The following CUX1 variants were observed in gnomAD, a reference collection of about 807,000 sequenced individuals.
CUX1 encodes the protein cut like homeobox 1, also known as protein CASP.
A neutral mutation model predicts 158.8 loss-of-function variants in CUX1; 31 were observed. The ratio of observed to expected loss-of-function variants is 0.20; its 90% CI spans 0.15 to 0.26. The LOEUF (loss-of-function observed/expected upper bound fraction) is 0.26, where lower values mean the gene tolerates loss of function less well. Among genes scored for constraint, CUX1 ranks in the 10% least tolerant of loss-of-function variants. CUX1 has a pLI of 1.00. For synonymous variants in CUX1, 879 were observed against 862.1 expected, an observed-to-expected ratio of 1.02 and a Z score of -0.34; for missense variants, 1,589 against 2,014.6, an observed-to-expected ratio of 0.79 and a Z score of 4.04.
At position 102,256,288 on chromosome 7, in the gene CUX1, G is replaced by A; in HGVS notation, c.*7246G>A. The stretch of plus-strand genomic sequence containing the variant: ...TACTGACCTGCCGGCGTGCGTGAGG[G>A]TGATTATAAAAGGATGTTTCCTTGA... On this transcript the variant is annotated 3_prime_UTR_variant, in exon 24 of 24. Coordinates refer to ENST00000292535, the MANE Select transcript of CUX1 (RefSeq NM_181552.4). 1 of 985,292 alleles carries A rather than the reference G, an allele frequency of 1.0e-6. No individual in the cohort carries two copies. Among genetic ancestry groups the A allele is most frequent in the Non-Finnish European group, 1.2e-6 (1 of 829,908 alleles). 61.0% of individuals were successfully genotyped at this position (985,292 alleles called of 1,614,324 possible). A position where few individuals can be genotyped will look rare whatever the true frequency, so the allele number is the denominator to read the frequency against.
rs114315617 is a variant in CUX1 at position 101,911,687 on chromosome 7, G to A, written c.31-4428G>A. 5.7e-3 allele frequency among the ~76,000 whole-genome samples: 869 copies of A among 152,384 alleles called. 11 individuals are homozygous for A. Among genetic ancestry groups the A allele is most frequent in the African/African-American group, 0.02 (832 of 41,596 alleles). ...TGACCTCTGAAGCTCTTCTGTGCAA[G>A]GGTGGGGCTCCTGTTGGTGACACCC... On this transcript the variant is annotated intron_variant, in intron 1 of 23. Coordinates refer to ENST00000292535, the MANE Select transcript of CUX1 (RefSeq NM_181552.4).
At chr7:102,086,672 C>T (rs1198477525) in intron 4 of CUX1, among the ~76,000 whole-genome samples, 2 of 151,612 alleles carry the variant, frequency 1.3e-5, no homozygotes, top group Non-Finnish European at 2.9e-5. Context: ...TGCAGTGACA[C>T]GACTTTGGCT....
intron 1 of CUX1, among the ~76,000 whole-genome samples, chr7:101,867,002 C>G (rs1797999006): frequency 6.6e-6 from 1 of 152,238 alleles, no homozygotes; most frequent in African/African-American, 2.4e-5. Context: ...GGGTGGATCA[C>G]TTGAGGTCAG....
intron 8 of CUX1, among the ~76,000 whole-genome samples, chr7:102,143,640 A>AT (rs1159442619): frequency 5.3e-5 from 8 of 152,172 alleles, no homozygotes; most frequent in African/African-American, 1.9e-4. Context: ...CATTCTTCTT[A>AT]TAGAGATGTG....
intron 17 of CUX1, among the ~76,000 whole-genome samples, chr7:102,200,663 A>G (rs1563395632): frequency 6.6e-6 from 1 of 152,022 alleles, no homozygotes; most frequent in Admixed American, 6.6e-5. Flanking sequence ...TATTCACAGA[A>G]ATTACGCTCC....
rs1173455229 is a variant in CUX1 at position 102,157,159 on chromosome 7, G to T, written c.675-1401G>T. On this transcript the variant is annotated intron_variant, in intron 8 of 23. Coordinates refer to ENST00000292535, the MANE Select transcript of CUX1 (RefSeq NM_181552.4). ...AGAGTGGCGGGTAAGGCCAAGAGGA[G>T]GAAGGAGCCTTGGCATGGAAGGGCC... 2.6e-5 allele frequency among the ~76,000 whole-genome samples: 4 copies of T among 152,144 alleles called. No individual in the cohort carries two copies. In the South Asian group the frequency reaches 8.3e-4, roughly 32 times the overall value.
intron 10 of CUX1, among the ~76,000 whole-genome samples, chr7:102,170,802 ACGCAGGCACAGT>A (rs1331616861): frequency 6.6e-5 from 10 of 151,148 alleles, no homozygotes; most frequent in Non-Finnish European, 1.3e-4. Flanking sequence ...GGTGGAGGCT[ACGCAGGCACAGT>A]CACAGACACA....
At chr7:102,174,123 T>C (rs1432689938) in intron 10 of CUX1, among the ~76,000 whole-genome samples, 3 of 152,066 alleles carry the variant, frequency 2.0e-5, no homozygotes, top group African/African-American at 7.2e-5. Flanking sequence ...TTTGTTTGTT[T>C]GTTTGTTTTT....
chr7:101,999,166 C>G (rs902276149), intron 2 of CUX1, among the ~76,000 whole-genome samples: 15 of 149,290 alleles, frequency 1.0e-4, no homozygotes, highest in African/African-American at 3.7e-4. Context: ...CAGCAGCTGT[C>G]GCCTCCACTC....
At chr7:101,930,311 C>G (rs1806146219) in intron 2 of CUX1, among the ~76,000 whole-genome samples, 1 of 152,096 alleles carries the variant, frequency 6.6e-6, no homozygotes, top group African/African-American at 2.4e-5. Context: ...ATCGTTATAG[C>G]CTAAAATTTG....
intron 16 of CUX1, chr7:102,274,389 C>T: frequency 7.9e-7 from 1 of 1,268,486 alleles, no homozygotes; most frequent in South Asian, 1.2e-5. Context: ...AACACAGATC[C>T]CCAAAGAGTA....
At chr7:102,207,455 A>AT (rs535860482) in intron 20 of CUX1, among the ~76,000 whole-genome samples, 143 of 146,884 alleles carry the variant, frequency 9.7e-4, no homozygotes, top group Middle Eastern at 3.5e-3. Context: ...AGGAAAAAAT[A>AT]TTTTTTTTTT....
Position 102,251,515 on chromosome 7 carries a change from G to C in CUX1, c.*2473G>C. ...AAGGCTCTAGGGGGCTGGGAGGCAG[G>C]CTGTTCGTTTGTCTTTTGTTGGGGG... is the stretch of plus-strand genomic sequence containing the variant. On this transcript the variant is annotated 3_prime_UTR_variant, in exon 24 of 24. Coordinates refer to ENST00000292535, the MANE Select transcript of CUX1 (RefSeq NM_181552.4). 1.0e-6 allele frequency: 1 copy of C among 985,440 alleles called. No homozygotes were observed. Among genetic ancestry groups the C allele is most frequent in the Non-Finnish European group, 1.2e-6 (1 of 829,932 alleles). The allele number at this position is 985,440 out of a possible 1,614,324, so 61.0% of individuals were successfully genotyped here. A position where few individuals can be genotyped will look rare whatever the true frequency, so the allele number is the denominator to read the frequency against.
At position 102,248,718 on chromosome 7, in the gene CUX1, C is replaced by T; in HGVS notation, c.4194C>T (p.Gly1398=). The T allele has an allele frequency of 1.7e-6, 2 of 1,172,280 alleles. No individual in the cohort carries two copies. The highest frequency in any genetic ancestry group is 2.1e-6 in the Non-Finnish European group (2 of 947,246). The allele number at this position is 1,172,280 out of a possible 1,614,324, so 72.6% of individuals were successfully genotyped here. The change falls in exon 24 of 24, where the codon GGC becomes GGT. Residue 1398 remains glycine, a synonymous_variant. Coordinates refer to ENST00000292535, the MANE Select transcript of CUX1 (RefSeq NM_181552.4). The surrounding 1 kb of genome is among the most constrained non-coding windows in gnomAD (Gnocchi z 5.8). ...ACCACGAGGGAGGCCCCGTGGAAGGCCCGGGGCCCCTGCCCAGCCCCGCCT... is the reference window on the plus strand; with the variant it reads ...ACCACGAGGGAGGCCCCGTGGAAGGTCCGGGGCCCCTGCCCAGCCCCGCCT... The part of the protein sequence containing the change: ...DDDHEGGPVE[G]PGPLPSPASA...
chr7:102,106,420 CAAT>C (rs1217942261), intron 6 of CUX1, among the ~76,000 whole-genome samples: 8 of 152,206 alleles, frequency 5.3e-5, no homozygotes, highest in South Asian at 4.1e-4. Context: ...GGCTCTGTAA[CAAT>C]ATCATTGGGT....
intron 2 of CUX1, among the ~76,000 whole-genome samples, chr7:101,934,309 T>C (rs2129124698): frequency 6.6e-6 from 1 of 152,346 alleles, no homozygotes; most frequent in East Asian, 1.9e-4. Context: ...AGAGATAGCA[T>C]AGTCGATGTT....
chr7:102,048,785 C>A (rs988430805), intron 3 of CUX1, among the ~76,000 whole-genome samples: 1 of 152,086 alleles, frequency 6.6e-6, no homozygotes. Context: ...ACTGAGATTG[C>A]GCCACTGCAC....
At chr7:102,280,013 C>T (rs1212754860) in intron 18 of CUX1, 1 of 1,538,310 alleles carries the variant, frequency 6.5e-7, no homozygotes, top group Non-Finnish European at 8.9e-7. Context: ...CTGACTGGTT[C>T]TCTTCCCCTC....
intron 3 of CUX1, among the ~76,000 whole-genome samples, chr7:102,038,670 A>G (rs1821716748): frequency 6.6e-6 from 1 of 152,176 alleles, no homozygotes; most frequent in Non-Finnish European, 1.5e-5. Flanking sequence ...AGAAACAAGC[A>G]TGGCGGGTGC....
Sources: gnomAD v4.1 joint callset for allele counts (sites outside exome capture counted in the v4.1 genomes callset) on GRCh38, gnomAD v4.1.1 for gene constraint, Gnocchi (gnomAD v3.1) non-coding constraint, MANE v1.5 for transcripts, NCBI Gene and HGNC (gene_info 2026-07-23, HGNC 2026-07-21) for gene names.